The following CCDC174 variants were observed in gnomAD, a reference collection of about 807,000 sequenced individuals.
The protein encoded by CCDC174 is coiled-coil domain-containing protein 174.
In CCDC174, 37 loss-of-function variants were observed where a neutral mutation model predicts 57.1. The observed-to-expected ratio is 0.65, with a 90% CI of 0.50 to 0.85. CCDC174 has a LOEUF of 0.85. CCDC174 is among the 40% of genes least tolerant of loss of function. The pLI is 0.00. For synonymous variants in CCDC174, 182 were observed against 190.2 expected (o/e 0.96, Z 0.35); for missense variants, 540 against 574.3 (o/e 0.94, Z 0.61).
intron 10 of CCDC174, 63 bp downstream of exon 10, chr3:14,670,149 A>C (rs1575074372): frequency 6.6e-7 from 1 of 1,521,868 alleles, no homozygotes; most frequent in Non-Finnish European, 8.9e-7. Flanking sequence ...TTTTTTTTCT[A>C]GAAGCACTTG....
In CCDC174 at chr3:14,666,944, A is replaced by T. The variant is rs752817344; in HGVS notation, c.721A>T (p.Asn241Tyr). Residue 241 changes from asparagine to tyrosine, a missense_variant, in exon 7 of 11, where the codon AAT (asparagine) becomes TAT (tyrosine). Physicochemically the swap from Asn to Tyr is moderately radical, Grantham distance 143. Transcript: ENST00000383794. ...GPVHYEDIRENEARQLGVGYF... is the reference protein window; with the variant it reads ...GPVHYEDIREYEARQLGVGYF... ...CGTACATTATGAAGACATTCGGGAA[A>T]ATGGTATGACTATTTTCTTGCAGCT... 3.8e-6 allele frequency: 6 copies of T among 1,575,252 alleles called. No homozygotes were observed. The highest frequency in any genetic ancestry group is 5.1e-6 in the Non-Finnish European group (6 of 1,168,962).
Position 14,670,034 on chromosome 3 carries a change from G to A in CCDC174, c.1053G>A (p.Arg351=), listed in dbSNP as rs1462483927. The A allele has an allele frequency of 6.2e-7, 1 of 1,611,928 alleles. No homozygotes were observed. The highest frequency in any genetic ancestry group is 8.5e-7 in the Non-Finnish European group (1 of 1,179,450). The change falls in exon 10 of 11, where the codon AGG becomes AGA. Residue 351 remains arginine (R), a synonymous_variant. Transcript: ENST00000383794. ...AAGTAGAAGTCATTGTCCAGGAGAG[G>A]AAGGACACCAAGCCTGGAGTGCCAC... The part of the protein sequence containing the change: ...SSKVEVIVQE[R]KDTKPGVPHI...
intron 6 of CCDC174, among the ~76,000 whole-genome samples, chr3:14,666,071 G>A (rs758806983): frequency 6.8e-6 from 1 of 146,890 alleles, no homozygotes; most frequent in Non-Finnish European, 1.5e-5. Flanking sequence ...GAAAGAAAGG[G>A]AGAATGGAAA....
At chr3:14,661,458 T>A (rs762419934) in intron 4 of CCDC174, 72 bp from the exon 5 acceptor site, 18 of 1,344,534 alleles carry the variant, frequency 1.3e-5, no homozygotes, top group African/African-American at 5.8e-5. Flanking sequence ...AGGCAATGAA[T>A]GTGACTGCTT....
intron 1 of CCDC174, 29 bp from the exon 2 acceptor site, chr3:14,654,397 T>C: frequency 8.3e-7 from 1 of 1,204,736 alleles, no homozygotes; most frequent in Non-Finnish European, 1.2e-6. Context: ...GAATTTAATA[T>C]TTTTGTTTAC....
chr3:14,664,914 G>A (rs1373940651), intron 5 of CCDC174, 114 bp from the exon 6 acceptor site: 1 of 740,702 alleles, frequency 1.4e-6, no homozygotes, highest in African/African-American at 1.8e-5. Context: ...TGAGGTTGGG[G>A]GCTCTTCTTG....
chr3:14,662,932 G>T (rs2031198590), intron 5 of CCDC174, among the ~76,000 whole-genome samples: 1 of 152,184 alleles, frequency 6.6e-6, no homozygotes, highest in Non-Finnish European at 1.5e-5. Context: ...TAAAAACTTA[G>T]ATCTAAATAG....
At chr3:14,665,224 C>T (rs888127798) in intron 6 of CCDC174, 101 bp downstream of exon 6, 32 of 830,588 alleles carry the variant, frequency 3.9e-5, no homozygotes, top group Non-Finnish European at 5.1e-5. Context: ...ATCTCTGTTG[C>T]TCCAGTAAGG....
chr3:14,652,603 A>G (rs1360671216), intron 1 of CCDC174, among the ~76,000 whole-genome samples: 2 of 152,162 alleles, frequency 1.3e-5, no homozygotes, highest in African/African-American at 4.8e-5. Context: ...CAGCTTACAG[A>G]CAGAAATCTT....
chr3:14,661,694 C>G lies in CCDC174; in HGVS notation c.472C>G (p.Pro158Ala). The G allele has an allele frequency of 1.9e-6, 3 of 1,611,996 alleles. No individual in the cohort carries two copies. Among genetic ancestry groups the G allele is most frequent in the Non-Finnish European group, 1.7e-6 (2 of 1,179,332 alleles). ...GGGAGAGATCCCTCCTCCCCAAGAC[C>G]CCAGTGAAGAATGGTTGGTAACATC... The part of the protein sequence containing the change: ...PEGEIPPPQD[P>A]SEEWVDYVDS... The change falls in exon 5 of 11, where the codon CCC becomes GCC. Residue 158 changes from proline (P) to alanine (A), a missense_variant. Pro to Ala is a conservative substitution (Grantham distance 27). Coordinates refer to ENST00000383794, the MANE Select transcript of CCDC174 (RefSeq NM_016474.5).
Position 14,671,549 on chromosome 3 carries a change from C to G in CCDC174, c.*355C>G, listed in dbSNP as rs1005575998. The G allele has an allele frequency of 5.3e-6, 1 of 189,362 alleles. No homozygotes were observed. Among genetic ancestry groups the G allele is most frequent in the Non-Finnish European group, 1.1e-5 (1 of 92,912 alleles). 11.7% of individuals were successfully genotyped at this position (189,362 alleles called of 1,614,324 possible). ...GTTCTTTTCCATTCCTTTTGCAAAT[C>G]CGAGCATGCAGGTGTCTTTATTCCA... On this transcript the variant is annotated 3_prime_UTR_variant, in exon 11 of 11. Transcript: ENST00000383794.
At chr3:14,661,912 A>G in intron 5 of CCDC174, 2 of 471,814 alleles carry the variant, frequency 4.2e-6, no homozygotes, top group Admixed American at 4.2e-5. Context: ...CAATAATTAC[A>G]ATAATTACAT....
intron 6 of CCDC174, among the ~76,000 whole-genome samples, chr3:14,665,758 C>T (rs879394310): frequency 3.3e-5 from 5 of 151,990 alleles, no homozygotes; most frequent in South Asian, 2.1e-4. Context: ...AGGCTGGGCG[C>T]GGTGGCTCAC....
intron 1 of CCDC174, among the ~76,000 whole-genome samples, chr3:14,652,481 T>G (rs2124826706): frequency 6.6e-6 from 1 of 152,360 alleles, no homozygotes; most frequent in African/African-American, 2.4e-5. Flanking sequence ...GCCAGCACTT[T>G]ATATGCACTA....
At chr3:14,668,654 C>T (rs926755693) in intron 9 of CCDC174, among the ~76,000 whole-genome samples, 1 of 149,778 alleles carries the variant, frequency 6.7e-6, no homozygotes, top group Admixed American at 6.7e-5. Context: ...GAACTTGGAG[C>T]ACGGTTCCCC....
chr3:14,657,697 C>A (rs1010256479), intron 3 of CCDC174, among the ~76,000 whole-genome samples: 2 of 152,226 alleles, frequency 1.3e-5, no homozygotes, highest in Non-Finnish European at 2.9e-5. Flanking sequence ...GCTCAGCACC[C>A]TCTGCTCTAC....
chr3:14,664,186 A>C (rs551512203), intron 5 of CCDC174, among the ~76,000 whole-genome samples: 13 of 152,214 alleles, frequency 8.5e-5, no homozygotes, highest in Non-Finnish European at 1.6e-4. Flanking sequence ...GCTTGAGAGG[A>C]AAAAAAATTG....
At position 14,661,881 on chromosome 3, in the gene CCDC174, G is replaced by C. The variant is rs542443384; in HGVS notation, c.485+174G>C. On this transcript the variant is annotated intron_variant, in intron 5 of 10. Coordinates refer to ENST00000383794, the MANE Select transcript of CCDC174 (RefSeq NM_016474.5). ...GGTTATTATAGTTGTAAAAACAGTA[G>C]CTCAAATGAAGACATAATTACAATA... 5.1e-5 allele frequency: 28 copies of C among 551,452 alleles called. No homozygotes were observed. The African/African-American group carries it at 5.1e-4, about 10-fold the overall frequency. 34.2% of individuals were successfully genotyped at this position (551,452 alleles called of 1,614,324 possible). A position where few individuals can be genotyped will look rare whatever the true frequency, so the allele number is the denominator to read the frequency against.
In CCDC174 at chr3:14,654,469, T is replaced by C. The variant is rs199752374; in HGVS notation, c.86T>C (p.Phe29Ser). The C allele has an allele frequency of 1.7e-4, 267 of 1,608,082 alleles. 1 individual carries two copies. In the Middle Eastern group the frequency reaches 6.6e-3, roughly 40 times the overall value. Reference sequence around the variant, plus strand: ...GAACTCTTCCGAAAGCAAGAAGAATTCAAACAAGAAAAACTTCTAAAAGAT... The same window carrying C: ...GAACTCTTCCGAAAGCAAGAAGAATCCAAACAAGAAAAACTTCTAAAAGAT... ...KAELFRKQEE[F>S]KQEKLLKDSG... Residue 29 changes from phenylalanine to serine, a missense_variant, in exon 2 of 11, where the codon TTC becomes TCC. Phe to Ser is a radical substitution (Grantham distance 155). Transcript: ENST00000383794.
Sources: allele counts gnomAD v4.1 joint callset (sites outside exome capture counted in the v4.1 genomes callset), GRCh38; gene constraint gnomAD v4.1.1; transcripts MANE v1.5; gene names NCBI Gene and HGNC (gene_info 2026-07-23, HGNC 2026-07-21).